Variants in TUSC3 observed in about 807,000 individuals in gnomAD.
TUSC3 encodes tumor suppressor candidate 3.
TUSC3 carries 45 observed loss-of-function variants against 44.8 expected under a neutral mutation model. That is an observed-to-expected ratio of 1.00 (90% CI 0.79 to 1.29). The LOEUF is 1.29. TUSC3 is among the 50% of genes most tolerant of loss of function. TUSC3 has a pLI of 0.00. For synonymous variants in TUSC3, 212 were observed against 152.9 expected, an observed-to-expected ratio of 1.39 and a Z score of -2.85; for missense variants, 519 against 437.9, an observed-to-expected ratio of 1.19 and a Z score of -1.65.
intron 7 of TUSC3, among the ~76,000 whole-genome samples, chr8:15,739,664 A>G (rs1811101880): frequency 1.3e-5 from 2 of 152,192 alleles, no homozygotes; most frequent in African/African-American, 4.8e-5. Flanking sequence ...AAAATCTGGA[A>G]TATGTTTATG....
intron 2 of TUSC3, among the ~76,000 whole-genome samples, chr8:15,519,122 GATTT>G (rs1334596301): frequency 1.3e-5 from 2 of 152,070 alleles, no homozygotes; most frequent in Non-Finnish European, 2.9e-5. Flanking sequence ...CTGACATTAA[GATTT>G]ATTACTCATT....
At chr8:15,594,614 T>C (rs776552538) in intron 1 of TUSC3, among the ~76,000 whole-genome samples, 20 of 152,128 alleles carry the variant, frequency 1.3e-4, no homozygotes, top group Non-Finnish European at 5.9e-5. Context: ...GTAGGGATAA[T>C]TATTCCCTAC....
At chr8:15,515,470 G>T (rs1315400528) in intron 2 of TUSC3, among the ~76,000 whole-genome samples, 2 of 152,030 alleles carry the variant, frequency 1.3e-5, no homozygotes, top group Non-Finnish European at 2.9e-5. Flanking sequence ...CAGTCATTCA[G>T]CATCTTTCTG....
At chr8:15,781,171 G>T in the TUSC3 span, among the ~76,000 whole-genome samples, 3 of 152,318 alleles carry the variant, frequency 2.0e-5, no homozygotes, top group East Asian at 5.8e-4. Flanking sequence ...GGTGCTGTCT[G>T]AGCACAGGTG....
At chr8:15,455,860 C>G (rs1800250368) in intron 1 of TUSC3, among the ~76,000 whole-genome samples, 1 of 152,156 alleles carries the variant, frequency 6.6e-6, no homozygotes, top group Non-Finnish European at 1.5e-5. Flanking sequence ...GACCACCAGG[C>G]TAGGAGGATA....
intron 2 of TUSC3, among the ~76,000 whole-genome samples, chr8:15,522,485 G>C (rs766716653): frequency 1.3e-5 from 2 of 151,720 alleles, no homozygotes; most frequent in Non-Finnish European, 2.9e-5. Flanking sequence ...CACCCGCCTT[G>C]GCCTCCCAAA....
intron 2 of TUSC3, among the ~76,000 whole-genome samples, chr8:15,647,895 T>C (rs1333640150): frequency 6.6e-6 from 1 of 152,182 alleles, no homozygotes; most frequent in Non-Finnish European, 1.5e-5. Context: ...ATTGCACTTG[T>C]TTAGGAAACT....
intron 1 of TUSC3, among the ~76,000 whole-genome samples, chr8:15,437,756 C>A (rs1799967856): frequency 6.6e-6 from 1 of 152,198 alleles, no homozygotes; most frequent in Non-Finnish European, 1.5e-5. Context: ...ATTGTTTGCT[C>A]ATGGAAACCA....
chr8:15,600,616 G>T (rs1292369367), intron 1 of TUSC3, among the ~76,000 whole-genome samples: 1 of 151,548 alleles, frequency 6.6e-6, no homozygotes, highest in Non-Finnish European at 1.5e-5. Flanking sequence ...TAGGGGAGAG[G>T]GATAAACATA....
rs565483618 is a variant in TUSC3 at position 15,492,848 on chromosome 8, A to G, written n.189+9365A>G. 5.3e-5 allele frequency among the ~76,000 whole-genome samples: 8 copies of G among 152,282 alleles called. No individual in the cohort carries two copies. The East Asian group carries it at 1.5e-3, about 29-fold the overall frequency. On this transcript the variant is annotated intron_variant and non_coding_transcript_variant, in intron 2 of 5. Coordinates refer to the TUSC3 transcript ENST00000503191. ...CATATGAGTTTTTATCTTTGCATAT[A>G]TAGAATATGCAAAATATTATAATTA... is the stretch of plus-strand genomic sequence containing the variant.
intron 7 of TUSC3, among the ~76,000 whole-genome samples, chr8:15,740,513 G>A (rs1002641947): frequency 7.9e-5 from 12 of 151,436 alleles, no homozygotes; most frequent in East Asian, 1.9e-4. Flanking sequence ...TTGGAAAAAC[G>A]GGAGGAAAAA....
intron 6 of TUSC3, among the ~76,000 whole-genome samples, chr8:15,722,931 C>T (rs1297403599): frequency 1.3e-5 from 2 of 152,000 alleles, no homozygotes; most frequent in African/African-American, 2.4e-5. Context: ...ATACAGCCTC[C>T]CACAAAATGT....
chr8:15,459,166 C>T (rs992624863), intron 1 of TUSC3, among the ~76,000 whole-genome samples: 1 of 152,062 alleles, frequency 6.6e-6, no homozygotes, highest in African/African-American at 2.4e-5. Context: ...CATGACAAAG[C>T]TTCATCACTA....
chr8:15,506,704 A>G lies in TUSC3; in HGVS notation n.189+23221A>G, dbSNP rs376015716. Among the ~76,000 whole-genome samples the G allele has an allele frequency of 2.6e-4, 39 of 152,288 alleles. No homozygotes were observed. The South Asian group carries it at 7.9e-3, about 31-fold the overall frequency. On this transcript the variant is annotated intron_variant and non_coding_transcript_variant, in intron 2 of 5. Coordinates refer to the TUSC3 transcript ENST00000503191. Reference sequence around the variant, plus strand: ...TTATTCACTATCACGAGAACAGCGCAGGAAAAACCCGTCCCCATGATTCAG... The same window carrying G: ...TTATTCACTATCACGAGAACAGCGCGGGAAAAACCCGTCCCCATGATTCAG...
chr8:15,776,875 A>G, the TUSC3 span, among the ~76,000 whole-genome samples: 2 of 152,262 alleles, frequency 1.3e-5, no homozygotes, highest in South Asian at 4.1e-4. Flanking sequence ...ACAGGGTAAC[A>G]TGATGGGCAA....
intron 1 of TUSC3, among the ~76,000 whole-genome samples, chr8:15,549,647 G>C (rs1410546737): frequency 6.6e-6 from 1 of 151,504 alleles, no homozygotes; most frequent in Non-Finnish European, 1.5e-5. Context: ...AGAAAACGGG[G>C]CCTCCCTTAA....
At chr8:15,768,593 A>T (rs1035367344), downstream of TUSC3, among the ~76,000 whole-genome samples, 1 of 152,152 alleles carries the variant, frequency 6.6e-6, no homozygotes, top group Admixed American at 6.5e-5. Flanking sequence ...ATCATTAAAT[A>T]AAGAATATCA....
exon 1 of TUSC3, chr8:15,417,216 A>G (rs566655500): frequency 1.3e-5 from 2 of 152,448 alleles, no homozygotes; most frequent in East Asian, 1.9e-4. Flanking sequence ...TGGCTGTGTG[A>G]AGATCTGCCT....
the TUSC3 span, among the ~76,000 whole-genome samples, chr8:15,791,101 T>C: frequency 6.6e-6 from 1 of 152,162 alleles, no homozygotes; most frequent in East Asian, 1.9e-4. Flanking sequence ...GATTTTATCT[T>C]AGAAAAAAAT....
Sources: gnomAD v4.1 joint callset for allele counts (sites outside exome capture counted in the v4.1 genomes callset) on GRCh38, gnomAD v4.1.1 for gene constraint, MANE v1.5 for transcripts, NCBI Gene and HGNC (gene_info 2026-07-23, HGNC 2026-07-21) for gene names.